Variants in FAM50B observed in about 807,000 individuals in gnomAD.
FAM50B encodes family with sequence similarity 50 member B.
FAM50B carries 9 observed loss-of-function variants against 25.4 expected under a neutral mutation model. That is an observed-to-expected ratio of 0.35 (90% confidence interval 0.21 to 0.62). The LOEUF is 0.62. Among genes scored for constraint, FAM50B ranks in the 20% least tolerant of loss-of-function variants. FAM50B has a pLI of 0.73. For synonymous variants in FAM50B, 212 were observed against 204.3 expected (o/e 1.04, Z -0.32); for missense variants, 372 against 477.9 (o/e 0.78, Z 2.07).
the FAM50B span, among the ~76,000 whole-genome samples, chr6:3,838,115 A>T: frequency 6.6e-6 from 1 of 152,232 alleles, no homozygotes; most frequent in African/African-American, 2.4e-5. Flanking sequence ...AAGACTTACC[A>T]TATAACCTAG....
chr6:3,849,728 A>G, intron 1 of FAM50B, 61 bp from the exon 2 acceptor site: 1 of 1,480,102 alleles, frequency 6.8e-7, no homozygotes, highest in Non-Finnish European at 8.9e-7. Flanking sequence ...CGCAGAGCTG[A>G]GCATTCCCCG....
At chr6:3,842,435 G>C in the FAM50B span, among the ~76,000 whole-genome samples, 1 of 152,182 alleles carries the variant, frequency 6.6e-6, no homozygotes, top group Non-Finnish European at 1.5e-5. Context: ...CAGTGGGAGG[G>C]GGACATTCCT....
upstream of FAM50B, among the ~76,000 whole-genome samples, chr6:3,844,898 T>C (rs1415853332): frequency 1.3e-5 from 2 of 152,228 alleles, no homozygotes; most frequent in African/African-American, 4.8e-5. Flanking sequence ...TTTATTTACA[T>C]TTCTTTTCAA....
the FAM50B span, among the ~76,000 whole-genome samples, chr6:3,839,699 A>G: frequency 3.3e-5 from 5 of 152,228 alleles, no homozygotes; most frequent in Non-Finnish European, 5.9e-5. Context: ...AATACCTCAC[A>G]TATACTCCCA....
the FAM50B span, among the ~76,000 whole-genome samples, chr6:3,838,442 G>A: frequency 6.6e-6 from 1 of 152,184 alleles, no homozygotes; most frequent in Non-Finnish European, 1.5e-5. Flanking sequence ...TGGCATGGTG[G>A]CTCACTCCTG....
At chr6:3,837,601 T>TAGCATC in the FAM50B span, among the ~76,000 whole-genome samples, 924 of 152,306 alleles carry the variant, frequency 6.1e-3, 7 homozygotes, top group African/African-American at 0.021. Context: ...CCATTTTATG[T>TAGCATC]TGCTATAATA....
At chr6:3,849,684 C>T (rs1762174526) in intron 1 of FAM50B, 105 bp from the exon 2 acceptor site, 4 of 1,424,968 alleles carry the variant, frequency 2.8e-6, no homozygotes, top group African/African-American at 1.4e-5. Flanking sequence ...AGCCCCTGAA[C>T]GCTTCCATCA....
chr6:3,836,597 T>G, the FAM50B span, among the ~76,000 whole-genome samples: 757 of 152,302 alleles, frequency 5.0e-3, 7 homozygotes, highest in South Asian at 0.022. Context: ...TTAATTTTGG[T>G]TACAAAGAAA....
chr6:3,835,345 G>A, the FAM50B span, among the ~76,000 whole-genome samples: 9 of 152,338 alleles, frequency 5.9e-5, no homozygotes, highest in East Asian at 1.7e-3. Context: ...GGTTCTGCCT[G>A]TAAGGCCCAG....
chr6:3,849,653 G>A lies in FAM50B; in HGVS notation c.-23-136G>A, dbSNP rs1264206559. The A allele has an allele frequency of 1.1e-5, 14 of 1,310,848 alleles. 1 individual carries two copies. The highest frequency in any genetic ancestry group is 3.3e-5 in the South Asian group (2 of 61,074). 81.2% of individuals were successfully genotyped at this position (1,310,848 alleles called of 1,614,324 possible). A position where few individuals can be genotyped will look rare whatever the true frequency, so the allele number is the denominator to read the frequency against. ...GCCTGGTGACACTGTCAGGTTGGTG[G>A]TTACCCTAGCAGGTCGGCCCAGCCC... On this transcript the variant is annotated intron_variant, in intron 1 of 1. Coordinates refer to ENST00000648326, the MANE Select transcript of FAM50B (RefSeq NM_012135.3).
the FAM50B span, among the ~76,000 whole-genome samples, chr6:3,840,408 G>A: frequency 8.2e-4 from 124 of 152,056 alleles, 1 homozygote; most frequent in Non-Finnish European, 1.5e-3. Flanking sequence ...GAGAGGCGGA[G>A]GTTGCAGTGA....
Position 3,850,278 on chromosome 6 carries a change from G to T in FAM50B, c.467G>T (p.Arg156Leu). ...PDVDTSFLPD[R>L]DREEEENRLR... ...GTGGACACCAGCTTCCTGCCAGACC[G>T]CGACCGCGAGGAGGAGGAGAACCGG... The change falls in exon 2 of 2, where the codon CGC becomes CTC. Residue 156 changes from arginine to leucine, a missense_variant. This residue lies in a region of FAM50B where 224 missense variants were observed against 232.2 expected (regional missense o/e 0.96). Coordinates refer to ENST00000648326, the MANE Select transcript of FAM50B (RefSeq NM_012135.3). 1 of 1,613,062 alleles carries T rather than the reference G, an allele frequency of 6.2e-7. No homozygotes were observed. The highest frequency in any genetic ancestry group is 8.5e-7 in the Non-Finnish European group (1 of 1,179,734).
At chr6:3,842,047 A>G in the FAM50B span, among the ~76,000 whole-genome samples, 1 of 152,168 alleles carries the variant, frequency 6.6e-6, no homozygotes, top group Admixed American at 6.5e-5. Flanking sequence ...ACCCAGGATC[A>G]CTCCAAGTTG....
In FAM50B at chr6:3,850,813, C is replaced by T. The variant is rs766151029; in HGVS notation, c.*24C>T. 3.1e-6 allele frequency: 5 copies of T among 1,607,534 alleles called. No individual in the cohort carries two copies. Among genetic ancestry groups the T allele is most frequent in the African/African-American group, 1.3e-5 (1 of 74,740 alleles). On this transcript the variant is annotated 3_prime_UTR_variant, in exon 2 of 2. Coordinates refer to ENST00000648326, the MANE Select transcript of FAM50B (RefSeq NM_012135.3). ...AACACCCGCCTGCCAGAGCGGAAAC[C>T]GGGGGTGGGGGGAGACACTCATTTC...
chr6:3,850,207 C>T lies in FAM50B; in HGVS notation c.396C>T (p.Asp132=), dbSNP rs926532304. The part of the protein sequence containing the change: ...FALDDLDDQA[D]AAEARRAGNL... ...TAGACGACCTCGATGACCAGGCCGA[C>T]GCGGCCGAGGCCAGGCGCGCCGGAA... The change falls in exon 2 of 2, where the codon GAC becomes GAT. Residue 132 remains aspartate, a synonymous_variant. Coordinates refer to ENST00000648326, the MANE Select transcript of FAM50B (RefSeq NM_012135.3). The T allele has an allele frequency of 2.5e-6, 4 of 1,613,266 alleles. No individual in the cohort carries two copies. The highest frequency in any genetic ancestry group is 3.4e-6 in the Non-Finnish European group (4 of 1,179,880).
the FAM50B span, among the ~76,000 whole-genome samples, chr6:3,834,881 T>C: frequency 7.9e-5 from 12 of 152,220 alleles, no homozygotes; most frequent in African/African-American, 2.9e-4. Context: ...ATATTAAAAT[T>C]AACATATGCA....
chr6:3,841,511 A>G, the FAM50B span, among the ~76,000 whole-genome samples: 2 of 152,336 alleles, frequency 1.3e-5, no homozygotes, highest in South Asian at 4.1e-4. Context: ...CATAGAGTCA[A>G]ACAGCACATT....
chr6:3,841,747 C>G, the FAM50B span, among the ~76,000 whole-genome samples: 2 of 152,204 alleles, frequency 1.3e-5, no homozygotes, highest in Non-Finnish European at 2.9e-5. Context: ...ACTTATTAGA[C>G]AATTGTTCAT....
chr6:3,838,598 C>A, the FAM50B span, among the ~76,000 whole-genome samples: 1 of 152,046 alleles, frequency 6.6e-6, no homozygotes, highest in South Asian at 2.1e-4. Flanking sequence ...AATCCGAGCA[C>A]TTTGGGAGGC....
Sources: gnomAD v4.1 joint callset for allele counts (sites outside exome capture counted in the v4.1 genomes callset) on GRCh38, gnomAD v4.1.1 for gene constraint, gnomAD v4.1.1 regional missense constraint, MANE v1.5 for transcripts, NCBI Gene and HGNC (gene_info 2026-07-23, HGNC 2026-07-21) for gene names.